The following BMPR2 variants were observed in gnomAD, a reference collection of about 807,000 sequenced individuals.
BMPR2 encodes the protein bone morphogenetic protein receptor type 2, also known as bone morphogenetic protein receptor type-2.
In BMPR2, 29 loss-of-function variants were observed where a neutral mutation model predicts 100.8. That is an observed-to-expected ratio of 0.29 (90% CI 0.21 to 0.39). The LOEUF (loss-of-function observed/expected upper bound fraction) is 0.39. Among genes scored for constraint, BMPR2 ranks in the 10% least tolerant of loss-of-function variants. The pLI, the probability that BMPR2 is intolerant of heterozygous loss-of-function variation, is 1.00. For missense variants in BMPR2, 1,011 were observed against 1,274.5 expected (o/e 0.79, Z 3.15); for synonymous variants, 382 against 442.3 (o/e 0.86, Z 1.71).
intron 3 of BMPR2, among the ~76,000 whole-genome samples, chr2:202,500,003 C>T (rs1405002672): frequency 6.6e-6 from 1 of 152,172 alleles, no homozygotes; most frequent in African/African-American, 2.4e-5. Flanking sequence ...GTCCACTATG[C>T]CGAGGCAATC....
chr2:202,467,820 A>G, intron 3 of BMPR2, 131 bp downstream of exon 3: 1 of 926,770 alleles, frequency 1.1e-6, no homozygotes, highest in Non-Finnish European at 1.7e-6. Context: ...GCACTTTGGG[A>G]GGCCGAGGTG....
At chr2:202,481,063 T>A (rs577138761) in intron 3 of BMPR2, among the ~76,000 whole-genome samples, 1 of 152,158 alleles carries the variant, frequency 6.6e-6, no homozygotes, top group African/African-American at 2.4e-5. Flanking sequence ...CCATTGATCC[T>A]TATGCCAGGA....
chr2:202,393,890 A>AGAGC (rs1559024358), intron 1 of BMPR2, among the ~76,000 whole-genome samples: 27 of 69,354 alleles, frequency 3.9e-4, no homozygotes, highest in African/African-American at 1.9e-3. Context: ...AGCGAGAGAG[A>AGAGC]GAGAGAGAGA....
chr2:202,464,678 AT>A, intron 1 of BMPR2, 130 bp from the exon 2 acceptor site: 1 of 858,612 alleles, frequency 1.2e-6, no homozygotes, highest in South Asian at 2.1e-5. Flanking sequence ...AAAATTAGAA[AT>A]TTATGTAAAG....
chr2:202,441,002 C>A (rs558281293), intron 1 of BMPR2, among the ~76,000 whole-genome samples: 1 of 150,252 alleles, frequency 6.7e-6, no homozygotes, highest in Admixed American at 6.6e-5. Flanking sequence ...TTCTTGGAGA[C>A]GGAGTCTTGC....
intron 1 of BMPR2, among the ~76,000 whole-genome samples, chr2:202,435,460 A>G (rs1177349623): frequency 6.9e-6 from 1 of 145,272 alleles, no homozygotes; most frequent in African/African-American, 2.7e-5. Flanking sequence ...GTGTTTTATT[A>G]TAAGAGTAAA....
At position 202,420,230 on chromosome 2, in the gene BMPR2, A is replaced by C. The variant is rs569908055; in HGVS notation, c.76+42680A>C. The stretch of plus-strand genomic sequence containing the variant: ...AAGAAAAAAATACAAAAGACTCTTG[A>C]CCATCAAAAGGTAGCTTTATAAACA... On this transcript the variant is annotated intron_variant, in intron 1 of 12. Coordinates refer to ENST00000374580, the MANE Select transcript of BMPR2 (RefSeq NM_001204.7). 1.8e-4 allele frequency among the ~76,000 whole-genome samples: 28 copies of C among 152,252 alleles called. No individual in the cohort carries two copies. In the South Asian group the frequency reaches 5.8e-3, roughly 32 times the overall value.
chr2:202,426,309 G>A (rs969804394), intron 1 of BMPR2, among the ~76,000 whole-genome samples: 1 of 152,140 alleles, frequency 6.6e-6, no homozygotes, highest in Non-Finnish European at 1.5e-5. Flanking sequence ...GGCCGGGTAC[G>A]GTGGCTCACG....
rs1182704728 is a variant in BMPR2 at position 202,467,747 on chromosome 2, T to C, written c.418+58T>C. 2.6e-6 allele frequency: 4 copies of C among 1,516,866 alleles called. No homozygotes were observed. In the African/African-American group the frequency reaches 5.5e-5, roughly 21 times the overall value. The allele number at this position is 1,516,866 out of a possible 1,614,324, so 94.0% of individuals were successfully genotyped here. A position where few individuals can be genotyped will look rare whatever the true frequency, so the allele number is the denominator to read the frequency against. On this transcript the variant is annotated intron_variant, in intron 3 of 12. Coordinates refer to ENST00000374580, the MANE Select transcript of BMPR2 (RefSeq NM_001204.7). ...CCTTTCTCCAAAGATTTGCAAAATA[T>C]AAAAAAACTTAAAAAACATTCAAGG... is the stretch of plus-strand genomic sequence containing the variant.
At chr2:202,476,664 C>A (rs1282779490) in intron 3 of BMPR2, among the ~76,000 whole-genome samples, 2 of 152,088 alleles carry the variant, frequency 1.3e-5, no homozygotes, top group Non-Finnish European at 2.9e-5. Context: ...TGGCATGCGC[C>A]TGTAATCCCG....
chr2:202,473,615 C>A (rs1169226009), intron 3 of BMPR2, among the ~76,000 whole-genome samples: 1 of 151,612 alleles, frequency 6.6e-6, no homozygotes, highest in Non-Finnish European at 1.5e-5. Flanking sequence ...CATGGAAAAA[C>A]CCTGTCTCTA....
intron 1 of BMPR2, among the ~76,000 whole-genome samples, chr2:202,403,935 G>A (rs1008151856): frequency 1.3e-5 from 2 of 151,516 alleles, no homozygotes; most frequent in African/African-American, 4.9e-5. Context: ...AACCTGGGAG[G>A]CGGAGGTTGT....
intron 1 of BMPR2, among the ~76,000 whole-genome samples, chr2:202,380,944 T>C (rs1201308309): frequency 6.8e-6 from 1 of 146,450 alleles, no homozygotes; most frequent in Non-Finnish European, 1.5e-5. Flanking sequence ...GCCCTGGCCC[T>C]GGCCCTGGAT....
In BMPR2 at chr2:202,532,758, AT is replaced by A; in HGVS notation, c.1276+32del. ...GTAAAAACTACTGTCAAAAGTTGAT[AT>A]TTTTTGAAGTGAAGCAGTTATATCT... On this transcript the variant is annotated intron_variant, in intron 9 of 12. Transcript: ENST00000374580. The surrounding 1 kb of genome is among the most constrained non-coding windows in gnomAD (Gnocchi z 4.1). The A allele has an allele frequency of 6.2e-7, 1 of 1,606,834 alleles. No homozygotes were observed.
At chr2:202,539,602 TGAA>T (rs1688233751) in intron 9 of BMPR2, among the ~76,000 whole-genome samples, 1 of 152,016 alleles carries the variant, frequency 6.6e-6, no homozygotes, top group African/African-American at 2.4e-5. Context: ...CACTATGTAA[TGAA>T]GGTTACTTCT....
intron 1 of BMPR2, among the ~76,000 whole-genome samples, chr2:202,393,492 C>T (rs1412219528): frequency 6.6e-6 from 1 of 151,982 alleles, no homozygotes; most frequent in African/African-American, 2.4e-5. Context: ...GGACAGGTCT[C>T]GCCATGTTGC....
chr2:202,457,879 G>A (rs946013121), intron 1 of BMPR2, among the ~76,000 whole-genome samples: 2 of 151,906 alleles, frequency 1.3e-5, no homozygotes, highest in African/African-American at 2.4e-5. Context: ...ACAGGCACAC[G>A]CCACCACGCT....
intron 5 of BMPR2, among the ~76,000 whole-genome samples, chr2:202,516,889 A>C (rs1687722733): frequency 6.6e-6 from 1 of 152,230 alleles, no homozygotes; most frequent in Non-Finnish European, 1.5e-5. Flanking sequence ...TATGAAACAC[A>C]ACATATATCC....
chr2:202,381,004 T>A (rs1269064341), intron 1 of BMPR2, among the ~76,000 whole-genome samples: 1 of 134,210 alleles, frequency 7.5e-6, no homozygotes, highest in East Asian at 2.2e-4. Flanking sequence ...AGACAGAGTC[T>A]GGCTCGGTCA....
Sources: allele counts gnomAD v4.1 joint callset (sites outside exome capture counted in the v4.1 genomes callset), GRCh38; gene constraint gnomAD v4.1.1; non-coding constraint Gnocchi (gnomAD v3.1); transcripts MANE v1.5; gene names NCBI Gene and HGNC (gene_info 2026-07-23, HGNC 2026-07-21).